Variants in LIPE observed in about 807,000 individuals in gnomAD.
The protein encoded by LIPE is lipase E, hormone sensitive type.
In LIPE, 66 loss-of-function variants were observed where a neutral mutation model predicts 88.5. That is an observed-to-expected ratio of 0.75 (90% confidence interval 0.61 to 0.91). The LOEUF (loss-of-function observed/expected upper bound fraction) is 0.91. Ranked by LOEUF, LIPE falls within the 40% of genes least tolerant of loss-of-function variation. The pLI is 0.00. For synonymous variants in LIPE, 570 were observed against 617.5 expected, an observed-to-expected ratio of 0.92 and a Z score of 1.14; for missense variants, 1,346 against 1,434.7, an observed-to-expected ratio of 0.94 and a Z score of 1.00.
chr19:42,404,088 G>A (rs1261657471), intron 8 of LIPE, among the ~76,000 whole-genome samples: 1 of 141,658 alleles, frequency 7.1e-6, no homozygotes, highest in Non-Finnish European at 1.5e-5. Flanking sequence ...TTTTTGAGAT[G>A]GAGTCTTGCT....
Position 42,408,333 on chromosome 19 carries a change from A to C in LIPE, c.1420-11T>G, listed in dbSNP as rs772537245. 1.2e-6 allele frequency: 2 copies of C among 1,611,554 alleles called. No homozygotes were observed. Among genetic ancestry groups the C allele is most frequent in the Admixed American group, 3.3e-5 (2 of 59,988 alleles). On this transcript the variant is annotated splice_polypyrimidine_tract_variant and intron_variant, in intron 2 of 9. Coordinates refer to ENST00000244289, the MANE Select transcript of LIPE (RefSeq NM_005357.4). This position sits in a 1 kb window ranked among gnomAD's most constrained non-coding sequence, Gnocchi z 4.3. ...GATGGCAGGCGTGAACTGTGGAGAG[A>C]CGCGGCTGCGTCACCCACCGCTCAA... is the stretch of plus-strand genomic sequence containing the variant.
Position 42,426,640 on chromosome 19 carries a change from A to C in LIPE, c.510T>G (p.Ser170=). 1 of 1,614,248 alleles carries C rather than the reference A, an allele frequency of 6.2e-7. No homozygotes were observed. The highest frequency in any genetic ancestry group is 8.5e-7 in the Non-Finnish European group (1 of 1,180,054). The change falls in exon 1 of 10, where the codon TCT becomes TCG. Residue 170 remains serine (S), a synonymous_variant. Transcript: ENST00000244289. Reference sequence around the variant, plus strand: ...CTTGGGACGTAGATTCAGTCGGGGCAGATGGCTCCCTTTTGGCTCCAGGTT... The same window carrying C: ...CTTGGGACGTAGATTCAGTCGGGGCCGATGGCTCCCTTTTGGCTCCAGGTT... ...QAKPGAKREP[S]APTESTSQET...
chr19:42,404,662 CCTTA>C (rs1382187486), intron 8 of LIPE, among the ~76,000 whole-genome samples: 1 of 152,222 alleles, frequency 6.6e-6, no homozygotes, highest in African/African-American at 2.4e-5. Context: ...CCACACCCAG[CCTTA>C]CTTGTCTTTA....
At chr19:42,413,633 T>C (rs2040429889) in intron 1 of LIPE, among the ~76,000 whole-genome samples, 5 of 152,192 alleles carry the variant, frequency 3.3e-5, no homozygotes. Flanking sequence ...GCCACTGCAC[T>C]CCAGCCTGGG....
chr19:42,415,629 T>C (rs1600135771), intron 1 of LIPE, among the ~76,000 whole-genome samples: 1 of 151,776 alleles, frequency 6.6e-6, no homozygotes, highest in South Asian at 2.1e-4. Flanking sequence ...GCTAACACGG[T>C]GAAACCCCAG....
chr19:42,424,924 C>G, intron 1 of LIPE: 1 of 330,982 alleles, frequency 3.0e-6, no homozygotes, highest in African/African-American at 2.2e-5. Context: ...GCGGTGAGCC[C>G]AGAGCCTTGG....
intron 1 of LIPE, among the ~76,000 whole-genome samples, chr19:42,422,485 C>A (rs953156785): frequency 2.0e-5 from 3 of 152,148 alleles, no homozygotes; most frequent in Non-Finnish European, 4.4e-5. Context: ...TCTGAGCCTG[C>A]GTGTGTCTGA....
At chr19:42,418,977 CTT>C (rs764188953) in intron 1 of LIPE, among the ~76,000 whole-genome samples, 36 of 152,146 alleles carry the variant, frequency 2.4e-4, no homozygotes, top group Admixed American at 1.4e-3. Flanking sequence ...CGGTAGGGAT[CTT>C]TTAAGATGAG....
At chr19:42,405,294 C>T in intron 8 of LIPE, 91 bp downstream of exon 8, 3 of 1,363,248 alleles carry the variant, frequency 2.2e-6, no homozygotes, top group South Asian at 2.8e-5. Flanking sequence ...TCTGAACCAC[C>T]ATGCCCAGCA....
In LIPE at chr19:42,421,696, G is replaced by A. The variant is rs139573029; in HGVS notation, c.883+4571C>T. 2.9e-3 allele frequency among the ~76,000 whole-genome samples: 446 copies of A among 152,364 alleles called. 2 individuals are homozygous for A. The highest frequency in any genetic ancestry group is 5.8e-3 in the South Asian group (28 of 4,832). ...CTGGCCAAGTAAGGAAGCCCAGGCG[G>A]CCTTGGTCCCTCAGAGCCCCAGTGT... is the stretch of plus-strand genomic sequence containing the variant. On this transcript the variant is annotated intron_variant, in intron 1 of 9. Transcript: ENST00000244289.
At position 42,426,349 on chromosome 19, in the gene LIPE, A is replaced by G. The variant is rs1253712856; in HGVS notation, c.801T>C (p.Gly267=). 2.5e-6 allele frequency: 4 copies of G among 1,613,642 alleles called. No homozygotes were observed. In the Admixed American group the frequency reaches 5.0e-5, roughly 20 times the overall value. The change falls in exon 1 of 10, where the codon GGT becomes GGC. Residue 267 remains glycine (G), a synonymous_variant. Coordinates refer to ENST00000244289, the MANE Select transcript of LIPE (RefSeq NM_005357.4). ...CACTGTATCCTGACATCACTTTATAACCAGATTTTCCTTTGAAGCCTAGCT... is the reference window on the plus strand; with the variant it reads ...CACTGTATCCTGACATCACTTTATAGCCAGATTTTCCTTTGAAGCCTAGCT... ...GVKLGFKGKS[G]YKVMSGYSGT... is the part of the protein sequence containing the mutation.
At position 42,426,337 on chromosome 19, in the gene LIPE, C is replaced by T. The variant is rs540961179; in HGVS notation, c.813G>A (p.Met271Ile). The change falls in exon 1 of 10, where the codon ATG (methionine) becomes ATA (isoleucine). Residue 271 changes from methionine (M) to isoleucine (I), a missense_variant. By Grantham distance (10) the Met-to-Ile change is conservative. Coordinates refer to ENST00000244289, the MANE Select transcript of LIPE (RefSeq NM_005357.4). ...GFKGKSGYKV[M>I]SGYSGTSPHE... ...GTGGCGACGTCCCACTGTATCCTGA[C>T]ATCACTTTATAACCAGATTTTCCTT... is the stretch of plus-strand genomic sequence containing the variant. The T allele has an allele frequency of 6.2e-7, 1 of 1,613,386 alleles. No homozygotes were observed. The highest frequency in any genetic ancestry group is 1.3e-5 in the African/African-American group (1 of 74,980).
chr19:42,406,279 G>A lies in LIPE; in HGVS notation c.2247C>T (p.Ile749=). 3 of 1,614,004 alleles carry A rather than the reference G, an allele frequency of 1.9e-6. No homozygotes were observed. In the South Asian group the frequency reaches 3.3e-5, roughly 18 times the overall value. Residue 749 remains isoleucine (I), a synonymous_variant, in exon 7 of 10, where the codon ATC becomes ATT. Coordinates refer to ENST00000244289, the MANE Select transcript of LIPE (RefSeq NM_005357.4). The surrounding 1 kb of genome is among the most constrained non-coding windows in gnomAD (Gnocchi z 5.7). ...AAYGVRVPDG[I]MAAYPATMLQ... ...GCATTGTGGCCGGGTAGGCTGCCAT[G>A]ATGCCATCTGGCACCCGCACCCCGT...
Position 42,407,832 on chromosome 19 carries a change from C to T in LIPE, c.1657-41G>A. ...AGAAGGGGTGCTAGGGAAGGTCTGC[C>T]TGCAGGGGTGCCCTTCACCTCTCCC... On this transcript the variant is annotated intron_variant, in intron 4 of 9. Transcript: ENST00000244289. The surrounding 1 kb of genome is among the most constrained non-coding windows in gnomAD (Gnocchi z 5.8). 1 of 1,548,106 alleles carries T rather than the reference C, an allele frequency of 6.5e-7. No homozygotes were observed. Among genetic ancestry groups the T allele is most frequent in the Non-Finnish European group, 8.7e-7 (1 of 1,147,214 alleles).
At chr19:42,403,557 C>G (rs959971845) in intron 8 of LIPE, among the ~76,000 whole-genome samples, 1 of 151,368 alleles carries the variant, frequency 6.6e-6, no homozygotes, top group Non-Finnish European at 1.5e-5. Context: ...AAGTGATTCT[C>G]GTGCCTCAGC....
At chr19:42,402,115 G>C in intron 9 of LIPE, 40 bp from the exon 10 acceptor site, 1 of 1,430,940 alleles carries the variant, frequency 7.0e-7, no homozygotes, top group Non-Finnish European at 9.2e-7. Context: ...GAGGGTGGGG[G>C]ACAGACAGAC....
chr19:42,407,459 C>A lies in LIPE; in HGVS notation c.1852G>T (p.Glu618Ter). The change falls in exon 6 of 10, where the codon GAG becomes TAG. Residue 618 changes from glutamate to a stop codon, truncating the protein, a stop_gained. Transcript: ENST00000244289. LOFTEE classifies it high-confidence loss of function. The surrounding 1 kb of genome is among the most constrained non-coding windows in gnomAD (Gnocchi z 5.8). The part of the protein sequence containing the change: ...YDLREGQDSE[E>*]LSSLIKSNGQ... ...TTGGACTTTATCAGGCTGCTGAGCT[C>A]CTCACTGTCCTGGGGGTGAGGAGGG... 6.2e-7 allele frequency: 1 copy of A among 1,611,586 alleles called. No individual in the cohort carries two copies. Among genetic ancestry groups the A allele is most frequent in the Non-Finnish European group, 8.5e-7 (1 of 1,178,318 alleles).
chr19:42,423,577 C>G, intron 1 of LIPE: 2 of 1,219,046 alleles, frequency 1.6e-6, no homozygotes, highest in Non-Finnish European at 2.1e-6. Context: ...ATTCCAGCCG[C>G]GAGGCCCTGC....
intron 1 of LIPE, among the ~76,000 whole-genome samples, chr19:42,422,326 C>A (rs941421760): frequency 6.6e-6 from 1 of 152,192 alleles, no homozygotes; most frequent in African/African-American, 2.4e-5. Flanking sequence ...AACATCACAG[C>A]TCCCAGCCTG....
Sources: gnomAD v4.1 joint callset for allele counts (sites outside exome capture counted in the v4.1 genomes callset) on GRCh38, gnomAD v4.1.1 for gene constraint, Gnocchi (gnomAD v3.1) non-coding constraint, MANE v1.5 for transcripts, NCBI Gene and HGNC (gene_info 2026-07-23, HGNC 2026-07-21) for gene names.